The following ROBO2 variants were observed in gnomAD, a reference collection of about 807,000 sequenced individuals.
The protein encoded by ROBO2 is roundabout guidance receptor 2.
ROBO2 carries 53 observed loss-of-function variants against 160.8 expected under a neutral mutation model. The observed-to-expected ratio is 0.33, with a 90% CI of 0.26 to 0.41. ROBO2 has a LOEUF of 0.41. Among genes scored for constraint, ROBO2 ranks in the 10% least tolerant of loss-of-function variants. The probability of loss-of-function intolerance (pLI) is 1.00; values close to 1 mark genes in which losing one functional copy is unlikely to be tolerated. For missense variants in ROBO2, 1,577 were observed against 1,722.4 expected, an observed-to-expected ratio of 0.92 and a Z score of 1.49; for synonymous variants, 664 against 611.7, an observed-to-expected ratio of 1.09 and a Z score of -1.26.
At chr3:77,250,737 C>T (rs993906034) in intron 2 of ROBO2, among the ~76,000 whole-genome samples, 4 of 152,142 alleles carry the variant, frequency 2.6e-5, no homozygotes, top group Non-Finnish European at 5.9e-5. Flanking sequence ...GCAGCATTCC[C>T]TGGCAAAAAG....
At chr3:77,068,076 T>C (rs2067047386) in intron 1 of ROBO2, among the ~76,000 whole-genome samples, 1 of 152,104 alleles carries the variant, frequency 6.6e-6, no homozygotes, top group Non-Finnish European at 1.5e-5. Context: ...TGCTTAGAAG[T>C]GTATATTTGT....
rs191182897 is a variant in ROBO2, at chr3:76,994,843, G to A, written c.110-103171G>A. On this transcript the variant is annotated intron_variant, in intron 2 of 26. Transcript: ENST00000487694. ...CCAACAACTAAATGAAATGTTACAA[G>A]AAGCAATATAATAAAAACATATCAA... Among the ~76,000 whole-genome samples, 106 of 152,082 alleles carry A rather than the reference G, an allele frequency of 7.0e-4. 1 individual carries two copies. The highest frequency in any genetic ancestry group is 6.8e-3 in the Middle Eastern group (2 of 294).
Position 77,293,876 on chromosome 3 carries a change from T to A in ROBO2, c.389-183538T>A, listed in dbSNP as rs1324219296. On this transcript the variant is annotated intron_variant, in intron 2 of 25. Coordinates refer to ENST00000461745, the Ensembl canonical transcript of ROBO2. ...AGGCTAGATCACCCCAGATGTAAAG[T>A]AAAATTGACGGCTAAACGAGTAAGC... 5.0e-5 allele frequency among the ~76,000 whole-genome samples: 7 copies of A among 138,896 alleles called. No homozygotes were observed. The Admixed American group carries it at 5.3e-4, about 10-fold the overall frequency. The allele number at this position is 138,896 out of a possible 152,430, so 91.1% of individuals were successfully genotyped here. A position where few individuals can be genotyped will look rare whatever the true frequency, so the allele number is the denominator to read the frequency against.
chr3:75,917,967 C>T (rs1180486450), intron 1 of ROBO2, among the ~76,000 whole-genome samples: 1 of 151,932 alleles, frequency 6.6e-6, no homozygotes. Context: ...TAAAAATTTT[C>T]TCATATTTTG....
chr3:76,480,361 T>C (rs559464991), intron 2 of ROBO2, among the ~76,000 whole-genome samples: 1 of 152,188 alleles, frequency 6.6e-6, no homozygotes, highest in Admixed American at 6.6e-5. Flanking sequence ...GAGCTCTGGG[T>C]GTCCTTGGGT....
At chr3:77,469,886 T>C (rs2083179630) in intron 2 of ROBO2, among the ~76,000 whole-genome samples, 1 of 152,216 alleles carries the variant, frequency 6.6e-6, no homozygotes, top group Non-Finnish European at 1.5e-5. Context: ...GGTTAACTTT[T>C]CTGATACCCT....
intron 2 of ROBO2, among the ~76,000 whole-genome samples, chr3:77,228,511 T>C (rs112004367): frequency 0.064 from 9,727 of 151,962 alleles, 1,021 homozygotes; most frequent in African/African-American, 0.22. Flanking sequence ...GTAAATTTGT[T>C]TCAGTTCCCT....
chr3:76,990,804 C>T (rs2060622909), intron 2 of ROBO2, among the ~76,000 whole-genome samples: 2 of 152,238 alleles, frequency 1.3e-5, no homozygotes, highest in Non-Finnish European at 2.9e-5. Flanking sequence ...AGAGGCAAAA[C>T]GGTGAGTTTA....
At chr3:77,217,635 G>C (rs2085160154) in intron 2 of ROBO2, among the ~76,000 whole-genome samples, 1 of 152,182 alleles carries the variant, frequency 6.6e-6, no homozygotes, top group Non-Finnish European at 1.5e-5. Flanking sequence ...AGCTCAAAAT[G>C]AAATGCTTAA....
intron 2 of ROBO2, among the ~76,000 whole-genome samples, chr3:76,027,261 A>G (rs972447636): frequency 6.6e-6 from 1 of 151,934 alleles, no homozygotes; most frequent in Non-Finnish European, 1.5e-5. Context: ...ACATAGGTTC[A>G]GGTACTAAAA....
intron 2 of ROBO2, among the ~76,000 whole-genome samples, chr3:76,860,718 C>G (rs984029167): frequency 6.6e-6 from 1 of 152,076 alleles, no homozygotes; most frequent in Admixed American, 6.6e-5. Flanking sequence ...CATCTACTGA[C>G]CTCTTTACTA....
intron 2 of ROBO2, among the ~76,000 whole-genome samples, chr3:76,717,047 A>T (rs1327082710): frequency 6.6e-6 from 1 of 152,158 alleles, no homozygotes; most frequent in African/African-American, 2.4e-5. Context: ...AACCGTGTTG[A>T]TGTGAAGGTG....
intron 2 of ROBO2, among the ~76,000 whole-genome samples, chr3:76,337,650 G>T (rs1487783451): frequency 6.6e-6 from 1 of 152,054 alleles, no homozygotes; most frequent in Non-Finnish European, 1.5e-5. Context: ...AAATGAAAAA[G>T]AGAACTAGCA....
rs528798133 is a variant in ROBO2 at position 76,375,009 on chromosome 3, C to T, written c.109+437407C>T. Among the ~76,000 whole-genome samples the T allele has an allele frequency of 1.1e-3, 163 of 149,854 alleles. 1 individual carries two copies. The highest frequency in any genetic ancestry group is 1.5e-3 in the Non-Finnish European group (101 of 67,530). On this transcript the variant is annotated intron_variant, in intron 2 of 26. Transcript: ENST00000487694. ...GTATTATAAGAACCCCTCCAGAGTT[C>T]ACGGGCATCATTAGATGGAATCACT...
chr3:76,824,992 A>T (rs549924220), intron 2 of ROBO2, among the ~76,000 whole-genome samples: 2 of 152,216 alleles, frequency 1.3e-5, no homozygotes, highest in Admixed American at 6.5e-5. Flanking sequence ...CATGAAACTT[A>T]TTAGGAAGCT....
chr3:76,607,614 T>G (rs1005787721), intron 2 of ROBO2, among the ~76,000 whole-genome samples: 1 of 152,226 alleles, frequency 6.6e-6, no homozygotes, highest in Non-Finnish European at 1.5e-5. Flanking sequence ...TTCCCTCTGA[T>G]TCACACTTTG....
At chr3:76,752,837 T>C (rs1387758469) in intron 2 of ROBO2, among the ~76,000 whole-genome samples, 2 of 151,884 alleles carry the variant, frequency 1.3e-5, no homozygotes, top group Non-Finnish European at 2.9e-5. Context: ...TTCTAAGGCT[T>C]TAGGGACTTT....
chr3:76,528,558 T>C (rs952463143), intron 2 of ROBO2, among the ~76,000 whole-genome samples: 1 of 151,944 alleles, frequency 6.6e-6, no homozygotes, highest in African/African-American at 2.4e-5. Context: ...AAGAAGAGAT[T>C]AGCTAGGAAA....
intron 2 of ROBO2, among the ~76,000 whole-genome samples, chr3:77,289,911 C>A (rs946735251): frequency 2.0e-5 from 3 of 151,046 alleles, no homozygotes; most frequent in Admixed American, 6.6e-5. Flanking sequence ...TCCCTAAAGA[C>A]ATAAAGTAAA....
Sources: gnomAD v4.1 joint callset for allele counts (sites outside exome capture counted in the v4.1 genomes callset) on GRCh38, gnomAD v4.1.1 for gene constraint, MANE v1.5 for transcripts, NCBI Gene and HGNC (gene_info 2026-07-23, HGNC 2026-07-21) for gene names.